The following EXD1 variants were observed in gnomAD, a reference collection of about 807,000 sequenced individuals.
EXD1 encodes the protein exonuclease 3'-5' domain containing 1, also known as piRNA biogenesis protein EXD1.
In EXD1, 63 loss-of-function variants were observed where a neutral mutation model predicts 49.1. The observed-to-expected ratio is 1.28, with a 90% confidence interval of 1.05 to 1.58. EXD1 has a LOEUF of 1.58. Ranked by LOEUF, EXD1 falls within the 40% of genes most tolerant of loss-of-function variation. The probability of loss-of-function intolerance (pLI) is 0.00; values close to 1 mark genes in which losing one functional copy is unlikely to be tolerated. For synonymous variants in EXD1, 234 were observed against 239.2 expected (o/e 0.98, Z 0.20); for missense variants, 748 against 666.0 (o/e 1.12, Z -1.36).
intron 7 of EXD1, among the ~76,000 whole-genome samples, chr15:41,201,201 T>C (rs1008229104): frequency 2.6e-5 from 4 of 152,142 alleles, no homozygotes; most frequent in South Asian, 2.1e-4. Context: ...GTAGAAAGTA[T>C]AGGAAAAAAG....
At position 41,184,412 on chromosome 15, in the gene EXD1, A is replaced by G; in HGVS notation, c.1238T>C (p.Leu413Ser). 1.2e-6 allele frequency: 2 copies of G among 1,614,122 alleles called. No homozygotes were observed. Among genetic ancestry groups the G allele is most frequent in the Non-Finnish European group, 1.7e-6 (2 of 1,180,022 alleles). ...AGKEEKVKGF[L>S]FGKNFRIDKA... The stretch of plus-strand genomic sequence containing the variant: ...ATCTATCCTAAAATTTTTACCAAAT[A>G]AGAAGCCTTTGACTTTCTCCTCTTT... The change falls in exon 12 of 12, where the codon TTA (leucine) becomes TCA (serine). Residue 413 changes from leucine to serine, a missense_variant. Coordinates refer to ENST00000458580, the MANE Select transcript of EXD1 (RefSeq NM_001286441.2).
chr15:41,196,728 G>A (rs1252424377), intron 7 of EXD1, among the ~76,000 whole-genome samples: 1 of 151,006 alleles, frequency 6.6e-6, no homozygotes, highest in East Asian at 1.9e-4. Context: ...ACTGCACCTG[G>A]CCAATTTTTT....
At chr15:41,210,434 AT>A (rs2046904692) in intron 6 of EXD1, among the ~76,000 whole-genome samples, 1 of 152,136 alleles carries the variant, frequency 6.6e-6, no homozygotes, top group Admixed American at 6.6e-5. Context: ...GCTCATGCCT[AT>A]AATCCCAGCA....
intron 2 of EXD1, among the ~76,000 whole-genome samples, chr15:41,221,303 ACT>A (rs1459715337): frequency 6.6e-6 from 1 of 152,002 alleles, no homozygotes; most frequent in African/African-American, 2.4e-5. Context: ...ATAGGGTCTT[ACT>A]CTGTTGCACA....
At chr15:41,188,414 A>G (rs933130914) in intron 11 of EXD1, among the ~76,000 whole-genome samples, 15 of 144,396 alleles carry the variant, frequency 1.0e-4, no homozygotes, top group African/African-American at 3.4e-4. Flanking sequence ...TCTTTTTCAG[A>G]CAGAGTTTCT....
intron 3 of EXD1, among the ~76,000 whole-genome samples, chr15:41,218,505 A>T (rs1212563360): frequency 6.6e-6 from 1 of 151,220 alleles, no homozygotes; most frequent in East Asian, 1.9e-4. Flanking sequence ...AAAAAAAAAA[A>T]GTATGAACGA....
chr15:41,220,956 C>T (rs982546042), intron 2 of EXD1, among the ~76,000 whole-genome samples: 1 of 151,982 alleles, frequency 6.6e-6, no homozygotes, highest in South Asian at 2.1e-4. Flanking sequence ...GATCCTCCCA[C>T]CTCAGCCTCC....
At position 41,190,070 on chromosome 15, in the gene EXD1, G is replaced by A. The variant is rs760453190; in HGVS notation, c.923C>T (p.Ala308Val). Reference protein sequence around the residue: ...PVSPSLLKILALEATYLLPLR... With the variant: ...PVSPSLLKILVLEATYLLPLR... ...GGGTAACAGGTAGGTAGCTTCCAGG[G>A]CCAAAATTTTCAGTAAAGAGGGTGA... is the stretch of plus-strand genomic sequence containing the variant. The change falls in exon 11 of 12, where the codon GCC becomes GTC. Residue 308 changes from alanine to valine, a missense_variant. By Grantham distance (64) the Ala-to-Val change is moderately conservative. Transcript: ENST00000458580. The A allele has an allele frequency of 5.6e-6, 9 of 1,613,996 alleles. No homozygotes were observed. The highest frequency in any genetic ancestry group is 7.6e-6 in the Non-Finnish European group (9 of 1,180,022).
chr15:41,197,814 T>C (rs11070321), intron 7 of EXD1, among the ~76,000 whole-genome samples: 41,202 of 144,862 alleles, frequency 0.28, 7,688 homozygotes, highest in African/African-American at 0.52. Flanking sequence ...TTAATAGAGA[T>C]GGGGTTTCAC....
chr15:41,204,288 C>A lies in EXD1; in HGVS notation c.534+5213G>T, dbSNP rs1436532779. Among the ~76,000 whole-genome samples the A allele has an allele frequency of 5.3e-5, 8 of 149,750 alleles. No individual in the cohort carries two copies. The Admixed American group carries it at 5.4e-4, about 10-fold the overall frequency. On this transcript the variant is annotated intron_variant, in intron 7 of 11. Coordinates refer to ENST00000458580, the MANE Select transcript of EXD1 (RefSeq NM_001286441.2). ...AAAATCAGCCAGGCACGGTGGCCCA[C>A]GCCTGTAATCCCAGCACTTTGGGAG...
chr15:41,201,563 C>T (rs1488197163), intron 7 of EXD1, among the ~76,000 whole-genome samples: 1 of 148,660 alleles, frequency 6.7e-6, no homozygotes, highest in Non-Finnish European at 1.5e-5. Context: ...GATCTCGGCT[C>T]ACTGCAACCT....
At position 41,183,469 on chromosome 15, in the gene EXD1, A is replaced by AG. The variant is rs2046353268; in HGVS notation, c.*461_*462insC. On this transcript the variant is annotated 3_prime_UTR_variant, in exon 12 of 12. Transcript: ENST00000458580. ...GCTCCACAAGGAGCGGTAAAAAAAAATAAATAAAACAAATAAATAAAAAGG... is the reference window on the plus strand; with the variant it reads ...GCTCCACAAGGAGCGGTAAAAAAAAAGTAAATAAAACAAATAAATAAAAAGG... The AG allele has an allele frequency of 6.5e-6, 1 of 152,710 alleles. No homozygotes were observed. The highest frequency in any genetic ancestry group is 2.4e-5 in the African/African-American group (1 of 41,440). 9.5% of individuals were successfully genotyped at this position (152,710 alleles called of 1,614,324 possible). A position where few individuals can be genotyped will look rare whatever the true frequency, so the allele number is the denominator to read the frequency against.
At chr15:41,190,190 T>C in intron 10 of EXD1, 62 bp from the exon 11 acceptor site, 2 of 1,573,172 alleles carry the variant, frequency 1.3e-6, no homozygotes, top group Non-Finnish European at 1.7e-6. Context: ...AATAACTGTT[T>C]TAGGCTGGGC....
At chr15:41,221,182 G>T (rs755673976) in intron 2 of EXD1, among the ~76,000 whole-genome samples, 3 of 152,158 alleles carry the variant, frequency 2.0e-5, no homozygotes, top group Non-Finnish European at 4.4e-5. Context: ...GGACTCTGAG[G>T]CTCAGAAAGT....
chr15:41,184,747 T>C (rs2046381874), intron 11 of EXD1, among the ~76,000 whole-genome samples, 154 bp from the exon 12 acceptor site: 1 of 151,670 alleles, frequency 6.6e-6, no homozygotes, highest in Non-Finnish European at 1.5e-5. Context: ...CTCTGCCTCC[T>C]GGGTTCAGGC....
chr15:41,190,805 C>T (rs1274778423), intron 10 of EXD1, among the ~76,000 whole-genome samples: 1 of 152,188 alleles, frequency 6.6e-6, no homozygotes, highest in Non-Finnish European at 1.5e-5. Context: ...GGAGAAATAA[C>T]TAGGGTGATT....
intron 3 of EXD1, 27 bp from the exon 4 acceptor site, chr15:41,217,181 CAG>C: frequency 6.2e-7 from 1 of 1,602,468 alleles, no homozygotes; most frequent in Non-Finnish European, 8.5e-7. Flanking sequence ...TGGCTTCCAA[CAG>C]AGTTTCCAAT....
rs956705426 is a variant in EXD1, at chr15:41,216,615, G to A, written c.388+53C>T. On this transcript the variant is annotated intron_variant, in intron 5 of 11. Transcript: ENST00000458580. ...CATTGCACTGCAGCCTGGGCAACAA[G>A]AGCGAAACTCCATCTCAAAAAAAAA... 4.0e-5 allele frequency: 62 copies of A among 1,538,470 alleles called. No individual in the cohort carries two copies. The African/African-American group carries it at 7.1e-4, about 18-fold the overall frequency.
chr15:41,209,859 T>G (rs753137985), intron 6 of EXD1, among the ~76,000 whole-genome samples: 1 of 152,140 alleles, frequency 6.6e-6, no homozygotes, highest in Non-Finnish European at 1.5e-5. Flanking sequence ...AGTTGAGAAC[T>G]CAGACACCTT....
Sources: gnomAD v4.1 joint callset for allele counts (sites outside exome capture counted in the v4.1 genomes callset) on GRCh38, gnomAD v4.1.1 for gene constraint, MANE v1.5 for transcripts, NCBI Gene and HGNC (gene_info 2026-07-23, HGNC 2026-07-21) for gene names.